Variants in CASQ1 observed in about 807,000 individuals in gnomAD.
CASQ1 encodes the protein calsequestrin-1.
In CASQ1, 40 loss-of-function variants were observed where a neutral mutation model predicts 49.5. The ratio of observed to expected loss-of-function variants is 0.81; its 90% CI spans 0.63 to 1.05. CASQ1 has a LOEUF of 1.05. Among genes scored for constraint, CASQ1 ranks in the 50% least tolerant of loss-of-function variants. CASQ1 has a pLI of 0.00. For missense variants in CASQ1, 469 were observed against 486.9 expected, an observed-to-expected ratio of 0.96 and a Z score of 0.35; for synonymous variants, 174 against 187.2, an observed-to-expected ratio of 0.93 and a Z score of 0.58.
At chr1:160,193,630 C>T (rs1654131247) in intron 2 of CASQ1, 117 bp from the exon 3 acceptor site, 1 of 623,354 alleles carries the variant, frequency 1.6e-6, no homozygotes, top group Middle Eastern at 4.3e-4. Context: ...TGAGGTGGAG[C>T]ATGTGGGGCC....
In CASQ1 at chr1:160,195,458, C is replaced by G. The variant is rs373781900; in HGVS notation, c.578-3C>G. 1.0e-4 allele frequency: 161 copies of G among 1,613,812 alleles called. No homozygotes were observed. Among genetic ancestry groups the G allele is most frequent in the Non-Finnish European group, 1.3e-4 (158 of 1,179,806 alleles). ...GAGACTGACTCTGCATTCCACCCCC[C>G]AGATTACAAAGCCTTCGAGGATGCA... is the stretch of plus-strand genomic sequence containing the variant. On this transcript the variant is annotated splice_region_variant and splice_polypyrimidine_tract_variant and intron_variant, in intron 4 of 10. Transcript: ENST00000368078.
chr1:160,198,406 A>C, intron 7 of CASQ1: 1 of 300,230 alleles, frequency 3.3e-6, no homozygotes. Flanking sequence ...CAGGAGGCTG[A>C]GGCAGGAGAA....
Position 160,201,481 on chromosome 1 carries a change from C to A in CASQ1, c.*105C>A. 8.0e-7 allele frequency: 1 copy of A among 1,256,794 alleles called. No individual in the cohort carries two copies. 77.9% of individuals were successfully genotyped at this position (1,256,794 alleles called of 1,614,324 possible). On this transcript the variant is annotated 3_prime_UTR_variant, in exon 11 of 11. Coordinates refer to ENST00000368078, the MANE Select transcript of CASQ1 (RefSeq NM_001231.5). ...CCAGGGAGACTAGGTTATTCTCTGC[C>A]ATAGAGCTAACTGGGGTCTATATGC...
chr1:160,191,191 A>G (rs1400029345), intron 1 of CASQ1, among the ~76,000 whole-genome samples, 161 bp downstream of exon 1: 1 of 152,158 alleles, frequency 6.6e-6, no homozygotes, highest in Non-Finnish European at 1.5e-5. Flanking sequence ...ATGTGGCTTT[A>G]GTCAAATGAG....
At chr1:160,191,545 C>T (rs147409389) in intron 1 of CASQ1, among the ~76,000 whole-genome samples, 1 of 152,166 alleles carries the variant, frequency 6.6e-6, no homozygotes, top group East Asian at 1.9e-4. Flanking sequence ...CCATTGGACT[C>T]CCAGTCCCCT....
Position 160,201,277 on chromosome 1 carries a change from G to A in CASQ1, c.1092G>A (p.Glu364=), listed in dbSNP as rs1260142363. 1 of 1,613,532 alleles carries A rather than the reference G, an allele frequency of 6.2e-7. No individual in the cohort carries two copies. Among genetic ancestry groups the A allele is most frequent in the Non-Finnish European group, 8.5e-7 (1 of 1,179,828 alleles). ...GCGTATGGATGGAAATGGACGATGA[G>A]GAGGACCTGCCTTCTGCTGAGGAGC... is the stretch of plus-strand genomic sequence containing the variant. The part of the protein sequence containing the change: ...ADSVWMEMDD[E]EDLPSAEELE... Residue 364 remains glutamate (E), a synonymous_variant, in exon 11 of 11, where the codon GAG becomes GAA. Transcript: ENST00000368078.
chr1:160,197,432 T>A, intron 6 of CASQ1, 137 bp from the exon 7 acceptor site: 1 of 675,778 alleles, frequency 1.5e-6, no homozygotes, highest in Non-Finnish European at 2.7e-6. Context: ...AGTTGAGGCC[T>A]TGCCAGATGG....
At position 160,190,645 on chromosome 1, in the gene CASQ1, C is replaced by T. The variant is rs1417713984; in HGVS notation, c.-107C>T. The T allele has an allele frequency of 9.5e-7, 1 of 1,051,010 alleles. No individual in the cohort carries two copies. Among genetic ancestry groups the T allele is most frequent in the Non-Finnish European group, 1.4e-6 (1 of 726,312 alleles). The allele number at this position is 1,051,010 out of a possible 1,614,324, so 65.1% of individuals were successfully genotyped here. A position where few individuals can be genotyped will look rare whatever the true frequency, so the allele number is the denominator to read the frequency against. On this transcript the variant is annotated 5_prime_UTR_variant, in exon 1 of 11. Coordinates refer to ENST00000368078, the MANE Select transcript of CASQ1 (RefSeq NM_001231.5). ...ACTGCTCTGGGCCATTCCCCAATCC[C>T]CCCTCCCACTTGAGCCCCTAACTCA...
chr1:160,196,003 T>G lies in CASQ1; in HGVS notation c.758T>G (p.Val253Gly), dbSNP rs1654216767. The part of the protein sequence containing the change: ...PDKPNSEEEI[V>G]NFVEEHRRST... Reference sequence around the variant, plus strand: ...AAGCCCAATAGCGAAGAGGAGATTGTCAACTTCGTGGAGGAGCACAGGAGG... The same window carrying G: ...AAGCCCAATAGCGAAGAGGAGATTGGCAACTTCGTGGAGGAGCACAGGAGG... Residue 253 changes from valine (V) to glycine (G), a missense_variant, in exon 6 of 11, where the codon GTC becomes GGC. Coordinates refer to ENST00000368078, the MANE Select transcript of CASQ1 (RefSeq NM_001231.5). The G allele has an allele frequency of 6.2e-7, 1 of 1,613,896 alleles. No individual in the cohort carries two copies. Among genetic ancestry groups the G allele is most frequent in the Non-Finnish European group, 8.5e-7 (1 of 1,179,978 alleles).
At chr1:160,197,867 A>G (rs1469183608) in intron 7 of CASQ1, among the ~76,000 whole-genome samples, 1 of 151,992 alleles carries the variant, frequency 6.6e-6, no homozygotes, top group Non-Finnish European at 1.5e-5. Context: ...AAATACAAAA[A>G]AAATAGCAGG....
intron 3 of CASQ1, among the ~76,000 whole-genome samples, chr1:160,194,219 C>T (rs1316347806): frequency 6.8e-6 from 1 of 147,552 alleles, no homozygotes; most frequent in African/African-American, 2.5e-5. Flanking sequence ...ACACACTCCA[C>T]ACACATCACA....
At chr1:160,191,500 T>G (rs1654075521) in intron 1 of CASQ1, among the ~76,000 whole-genome samples, 1 of 152,220 alleles carries the variant, frequency 6.6e-6, no homozygotes, top group African/African-American at 2.4e-5. Context: ...GATACTTGCA[T>G]GCCATGTTTA....
At chr1:160,199,970 C>G in intron 10 of CASQ1, 45 bp downstream of exon 10, 1 of 1,279,550 alleles carries the variant, frequency 7.8e-7, no homozygotes, top group Non-Finnish European at 1.1e-6. Context: ...GACTCTACTT[C>G]CTAGCATAGC....
rs376318550 is a variant in CASQ1, at chr1:160,199,915, A to G, written c.1049A>G (p.Asn350Ser). ...DLSAPQIGVV[N>S]VTDADSVWME... ...TCAGCCCCACAAATAGGAGTCGTCAATGTTACTGATGTGAGTTTCCTGTCC... is the reference window on the plus strand; with the variant it reads ...TCAGCCCCACAAATAGGAGTCGTCAGTGTTACTGATGTGAGTTTCCTGTCC... Residue 350 changes from asparagine (N) to serine (S), a missense_variant, in exon 10 of 11, where the codon AAT becomes AGT. By Grantham distance (46) the Asn-to-Ser change is conservative (BLOSUM62 1). Coordinates refer to ENST00000368078, the MANE Select transcript of CASQ1 (RefSeq NM_001231.5). 321 of 1,610,818 alleles carry G rather than the reference A, an allele frequency of 2.0e-4. 2 individuals are homozygous for G. In the South Asian group the frequency reaches 2.8e-3, roughly 14 times the overall value.
At chr1:160,191,171 T>A in intron 1 of CASQ1, 141 bp downstream of exon 1, 1 of 823,890 alleles carries the variant, frequency 1.2e-6, no homozygotes, top group South Asian at 1.8e-5. Flanking sequence ...ACCAACAGGA[T>A]GCAAGTGGCA....
Position 160,199,038 on chromosome 1 carries a change from T to A in CASQ1, c.969T>A (p.Pro323=). 3 of 1,601,320 alleles carry A rather than the reference T, an allele frequency of 1.9e-6. No individual in the cohort carries two copies. Among genetic ancestry groups the A allele is most frequent in the Non-Finnish European group, 2.6e-6 (3 of 1,168,302 alleles). Residue 323 remains proline, a synonymous_variant, in exon 9 of 11, where the codon CCT becomes CCA. Transcript: ENST00000368078. The part of the protein sequence containing the change: ...NPDLSIIWID[P]DDFPLLVPYW... ...ATCTTAGCATCATCTGGATTGACCCTGATGACTTCCCCCTGGTAAGAGGCA... is the reference window on the plus strand; with the variant it reads ...ATCTTAGCATCATCTGGATTGACCCAGATGACTTCCCCCTGGTAAGAGGCA...
At chr1:160,195,747 C>T (rs979874638) in intron 5 of CASQ1, 150 bp from the exon 6 acceptor site, 7 of 929,612 alleles carry the variant, frequency 7.5e-6, no homozygotes, top group Admixed American at 6.6e-5. Context: ...CAACCCCAGG[C>T]AAGTTAAGAC....
At chr1:160,201,114 C>T (rs1654360806) in intron 10 of CASQ1, 131 bp from the exon 11 acceptor site, 2 of 966,050 alleles carry the variant, frequency 2.1e-6, no homozygotes, top group Admixed American at 4.3e-5. Flanking sequence ...GGACAGTTTC[C>T]CTGGCCTTTG....
intron 3 of CASQ1, among the ~76,000 whole-genome samples, chr1:160,194,084 C>T (rs564672491): frequency 3.2e-4 from 48 of 151,424 alleles, no homozygotes; most frequent in African/African-American, 1.1e-3. Flanking sequence ...ATCACCTACA[C>T]ACCACACACT....
Sources: gnomAD v4.1 joint callset for allele counts (sites outside exome capture counted in the v4.1 genomes callset) on GRCh38, gnomAD v4.1.1 for gene constraint, MANE v1.5 for transcripts, NCBI Gene and HGNC (gene_info 2026-07-23, HGNC 2026-07-21) for gene names.